Variants in RARB observed in about 807,000 individuals in gnomAD.
RARB encodes retinoic acid receptor beta, also known as HBV-activated protein.
In RARB, 17 loss-of-function variants were observed where a neutral mutation model predicts 51.9. The observed-to-expected ratio is 0.33, with a 90% CI of 0.22 to 0.49. The LOEUF is 0.49. Among genes scored for constraint, RARB ranks in the 20% least tolerant of loss-of-function variants. The pLI, the probability that RARB is intolerant of heterozygous loss-of-function variation, is 0.99. For synonymous variants in RARB, 215 were observed against 195.4 expected, an observed-to-expected ratio of 1.10 and a Z score of -0.84; for missense variants, 369 against 550.8, an observed-to-expected ratio of 0.67 and a Z score of 3.30.
intron 5 of RARB, among the ~76,000 whole-genome samples, chr3:25,421,249 C>G (rs926763683): frequency 7.9e-5 from 12 of 152,082 alleles, no homozygotes; most frequent in South Asian, 6.2e-4. Context: ...GCCCCTACCC[C>G]CTCCACCTGC....
intron 2 of RARB, among the ~76,000 whole-genome samples, chr3:24,866,678 G>A (rs1352290028): frequency 6.6e-6 from 1 of 152,182 alleles, no homozygotes; most frequent in African/African-American, 2.4e-5. Flanking sequence ...CCAAATGCAA[G>A]TATTCTTTCC....
At chr3:25,096,114 T>C (rs888135941) in intron 3 of RARB, among the ~76,000 whole-genome samples, 1 of 152,220 alleles carries the variant, frequency 6.6e-6, no homozygotes, top group Non-Finnish European at 1.5e-5. Context: ...TATTAACCAA[T>C]TTCCCTAATG....
At chr3:24,897,061 A>T (rs181008693) in intron 2 of RARB, among the ~76,000 whole-genome samples, 2 of 152,306 alleles carry the variant, frequency 1.3e-5, no homozygotes, top group Admixed American at 1.3e-4. Context: ...GCATCCCTGA[A>T]GTCTGTCTCT....
At chr3:24,843,349 T>A (rs550405959) in intron 1 of RARB, among the ~76,000 whole-genome samples, 3 of 152,308 alleles carry the variant, frequency 2.0e-5, no homozygotes, top group African/African-American at 7.2e-5. Flanking sequence ...ACAGGGAGAC[T>A]TAATTTCAGA....
chr3:24,981,265 C>G (rs1014649508), intron 2 of RARB, among the ~76,000 whole-genome samples: 1 of 152,228 alleles, frequency 6.6e-6, no homozygotes, highest in Non-Finnish European at 1.5e-5. Flanking sequence ...CTTCATGGAT[C>G]TTGAACGCCA....
chr3:25,377,008 A>G (rs1184800361), intron 5 of RARB, among the ~76,000 whole-genome samples: 2 of 150,808 alleles, frequency 1.3e-5, no homozygotes, highest in Non-Finnish European at 3.0e-5. Flanking sequence ...CTTTCAATGT[A>G]TTAGTTTAGT....
intron 5 of RARB, among the ~76,000 whole-genome samples, chr3:25,299,983 T>C (rs918805151): frequency 1.3e-5 from 2 of 152,222 alleles, no homozygotes; most frequent in Non-Finnish European, 2.9e-5. Flanking sequence ...GCATTAAATA[T>C]GTGTTAAATT....
intron 5 of RARB, chr3:25,258,921 T>A: frequency 1.0e-5 from 4 of 383,488 alleles, no homozygotes; most frequent in Non-Finnish European, 1.4e-5. Context: ...AGGACCCAAA[T>A]TCCTCTCAAA....
chr3:24,839,718 A>T (rs1192283014), intron 1 of RARB, among the ~76,000 whole-genome samples: 1 of 66,522 alleles, frequency 1.5e-5, no homozygotes, highest in Non-Finnish European at 2.7e-5. Context: ...AAAAAAAAAA[A>T]AGGGGGGGGG....
chr3:25,064,822 A>G (rs904642423), intron 3 of RARB, among the ~76,000 whole-genome samples: 5 of 152,156 alleles, frequency 3.3e-5, no homozygotes, highest in Admixed American at 2.6e-4. Flanking sequence ...AGGCCTCAGA[A>G]GTGTTTTACT....
At chr3:25,143,580 T>C (rs1371629368) in intron 4 of RARB, among the ~76,000 whole-genome samples, 1 of 152,202 alleles carries the variant, frequency 6.6e-6, no homozygotes, top group African/African-American at 2.4e-5. Flanking sequence ...TCCTCCTTAA[T>C]TCAGAGATGC....
chr3:25,371,472 C>A (rs898718270), intron 5 of RARB, among the ~76,000 whole-genome samples: 2 of 152,110 alleles, frequency 1.3e-5, no homozygotes, highest in Non-Finnish European at 2.9e-5. Context: ...GTTTCTTGGT[C>A]ATTATTAAGA....
chr3:25,568,185 G>GGGAA (rs773554456), intron 3 of RARB, among the ~76,000 whole-genome samples: 5 of 152,164 alleles, frequency 3.3e-5, no homozygotes, highest in Admixed American at 1.3e-4. Context: ...AGAGTCCTGG[G>GGGAA]GGAAGGAAAC....
intron 5 of RARB, among the ~76,000 whole-genome samples, chr3:25,332,069 G>C (rs919808388): frequency 5.3e-5 from 8 of 152,128 alleles, no homozygotes; most frequent in African/African-American, 1.9e-4. Context: ...GGACCAGACG[G>C]ATTCACAGCC....
chr3:24,994,186 A>G (rs1696973608), intron 2 of RARB, among the ~76,000 whole-genome samples: 1 of 152,072 alleles, frequency 6.6e-6, no homozygotes, highest in African/African-American at 2.4e-5. Context: ...TGTCTTTTTA[A>G]TAATAGCCAT....
At chr3:25,594,722 G>T in intron 7 of RARB, 44 bp downstream of exon 7, 1 of 1,474,732 alleles carries the variant, frequency 6.8e-7, no homozygotes, top group Middle Eastern at 1.8e-4. Flanking sequence ...CAGTGGACTT[G>T]AGGGCCTTAC....
chr3:25,320,341 T>C (rs994400388), intron 5 of RARB, among the ~76,000 whole-genome samples: 12 of 152,210 alleles, frequency 7.9e-5, no homozygotes, highest in Non-Finnish European at 1.5e-4. Flanking sequence ...CCATAAGATA[T>C]TATTTTCTCT....
chr3:25,253,113 G>T (rs562944778), intron 5 of RARB, among the ~76,000 whole-genome samples: 102 of 152,236 alleles, frequency 6.7e-4, no homozygotes, highest in African/African-American at 2.3e-3. Flanking sequence ...TATCCCATTT[G>T]CCTAATTTTT....
At chr3:25,435,139 G>T (rs185877714) in intron 1 of RARB, among the ~76,000 whole-genome samples, 1 of 152,048 alleles carries the variant, frequency 6.6e-6, no homozygotes, top group East Asian at 1.9e-4. Flanking sequence ...TATTTTTTAA[G>T]TTTCAGTGTT....
Sources: gnomAD v4.1 joint callset for allele counts (sites outside exome capture counted in the v4.1 genomes callset) on GRCh38, gnomAD v4.1.1 for gene constraint, MANE v1.5 for transcripts, NCBI Gene and HGNC (gene_info 2026-07-23, HGNC 2026-07-21) for gene names.